The following DERA variants were observed in gnomAD, a reference collection of about 807,000 sequenced individuals.
DERA encodes the protein 2-deoxy-D-ribose 5-phosphate aldolase.
In DERA, 15 loss-of-function variants were observed where a neutral mutation model predicts 41.1. That is an observed-to-expected ratio of 0.37 (90% CI 0.24 to 0.56). The LOEUF (loss-of-function observed/expected upper bound fraction) is 0.56. DERA is among the 20% of genes least tolerant of loss of function. The pLI is 0.81. For synonymous variants in DERA, 139 were observed against 137.4 expected (o/e 1.01, Z -0.08); for missense variants, 396 against 403.4 (o/e 0.98, Z 0.16).
intron 6 of DERA, among the ~76,000 whole-genome samples, chr12:15,986,894 C>T (rs750943893): frequency 1.3e-5 from 2 of 151,998 alleles, no homozygotes; most frequent in South Asian, 4.1e-4. Context: ...TGGTTTTATT[C>T]GTCTGAAAAT....
rs142585995 is a variant in DERA, at chr12:15,935,184, A to C, written c.32-21752A>C. On this transcript the variant is annotated intron_variant, in intron 1 of 8. Coordinates refer to ENST00000428559, the MANE Select transcript of DERA (RefSeq NM_015954.4). This position sits in a 1 kb window ranked among gnomAD's most constrained non-coding sequence, Gnocchi z 4.8. ...TGGACATCCATTGCTATGATATTTT[A>C]AAGTTTCACTGTAATTTTTTGGCTG... 3.9e-5 allele frequency among the ~76,000 whole-genome samples: 6 copies of C among 152,346 alleles called. No homozygotes were observed. In the East Asian group the frequency reaches 1.2e-3, roughly 29 times the overall value.
At position 16,036,659 on chromosome 12, in the gene DERA, ATTG is replaced by A. The variant is rs772134034; in HGVS notation, c.901-28_901-26del. ...AACTGATGTGTATAATTATAGAATG[ATTG>A]TTAATTAAACTCTGCTTTTCCTCAC... is the stretch of plus-strand genomic sequence containing the variant. On this transcript the variant is annotated intron_variant, in intron 8 of 8. Coordinates refer to ENST00000428559, the MANE Select transcript of DERA (RefSeq NM_015954.4). The surrounding 1 kb of genome is among the most constrained non-coding windows in gnomAD (Gnocchi z 4.9). The A allele has an allele frequency of 1.3e-6, 2 of 1,496,836 alleles. No homozygotes were observed. The highest frequency in any genetic ancestry group is 9.2e-7 in the Non-Finnish European group (1 of 1,082,690). 92.7% of individuals were successfully genotyped at this position (1,496,836 alleles called of 1,614,324 possible).
In DERA at chr12:15,984,588, AG is replaced by A. The variant is rs2136163836; in HGVS notation, c.637+2154del. 6.6e-6 allele frequency among the ~76,000 whole-genome samples: 1 copy of A among 152,280 alleles called. No homozygotes were observed. The highest frequency in any genetic ancestry group is 2.1e-4 in the South Asian group (1 of 4,822). ...AATCTAGGATTGTGTGACTTGTTTA[AG>A]GTCACAAAGCTAATAAATAACCTGT... On this transcript the variant is annotated intron_variant, in intron 6 of 8. Coordinates refer to ENST00000428559, the MANE Select transcript of DERA (RefSeq NM_015954.4). The surrounding 1 kb of genome is among the most constrained non-coding windows in gnomAD (Gnocchi z 4.5).
Position 15,989,816 on chromosome 12 carries a change from T to C in DERA, c.637+7380T>C, listed in dbSNP as rs945225932. Reference sequence around the variant, plus strand: ...AACTATGTTAGTCTGGTCTTACACATCATTGTAAGTAAAATTGTGTTAAAC... The same window carrying C: ...AACTATGTTAGTCTGGTCTTACACACCATTGTAAGTAAAATTGTGTTAAAC... On this transcript the variant is annotated intron_variant, in intron 6 of 8. Coordinates refer to ENST00000428559, the MANE Select transcript of DERA (RefSeq NM_015954.4). The surrounding 1 kb of genome is among the most constrained non-coding windows in gnomAD (Gnocchi z 5.2). Among the ~76,000 whole-genome samples the C allele has an allele frequency of 6.6e-6, 1 of 152,224 alleles. No individual in the cohort carries two copies. Among genetic ancestry groups the C allele is most frequent in the Admixed American group, 6.5e-5 (1 of 15,286 alleles).
intron 6 of DERA, among the ~76,000 whole-genome samples, chr12:15,986,460 G>A (rs1948764901): frequency 6.6e-6 from 1 of 152,008 alleles, no homozygotes; most frequent in Non-Finnish European, 1.5e-5. Context: ...TGTATCTTCT[G>A]TTGGCTTTTT....
At chr12:16,002,015 G>C (rs759688741) in intron 6 of DERA, among the ~76,000 whole-genome samples, 2 of 151,806 alleles carry the variant, frequency 1.3e-5, no homozygotes, top group Non-Finnish European at 2.9e-5. Flanking sequence ...TTAAGTTTTA[G>C]GGTACATGTG....
intron 1 of DERA, among the ~76,000 whole-genome samples, chr12:15,917,171 G>C (rs982782353): frequency 1.3e-5 from 2 of 152,022 alleles, no homozygotes; most frequent in African/African-American, 4.8e-5. Context: ...TTTAAATTTT[G>C]CCTTTAAGTT....
At position 16,010,758 on chromosome 12, in the gene DERA, T is replaced by C. The variant is rs2136179022; in HGVS notation, c.638-21784T>C. On this transcript the variant is annotated intron_variant, in intron 6 of 8. Coordinates refer to ENST00000428559, the MANE Select transcript of DERA (RefSeq NM_015954.4). This position sits in a 1 kb window ranked among gnomAD's most constrained non-coding sequence, Gnocchi z 5.5. ...GTTTGAAAGTTCACCTGTCTATGGA[T>C]CTGCTAATGGGAAGCACATACGTCT... 6.6e-6 allele frequency among the ~76,000 whole-genome samples: 1 copy of C among 152,210 alleles called. No homozygotes were observed. The highest frequency in any genetic ancestry group is 2.4e-5 in the African/African-American group (1 of 41,524).
intron 1 of DERA, among the ~76,000 whole-genome samples, chr12:15,920,605 C>T (rs934246109): frequency 2.0e-5 from 3 of 151,694 alleles, no homozygotes; most frequent in Non-Finnish European, 2.9e-5. Flanking sequence ...GAGGCTGAGG[C>T]GGGCGGATCA....
rs7294843 is a variant in DERA at position 15,936,942 on chromosome 12, T to C, written c.32-19994T>C. Reference sequence around the variant, plus strand: ...TGTCCTGTCCTGTCCTGTCTTGTCCTGTCCCGTCCTGTCCTGCCCTGCCCT... The same window carrying C: ...TGTCCTGTCCTGTCCTGTCTTGTCCCGTCCCGTCCTGTCCTGCCCTGCCCT... On this transcript the variant is annotated intron_variant, in intron 1 of 8. Transcript: ENST00000428559. This position sits in a 1 kb window ranked among gnomAD's most constrained non-coding sequence, Gnocchi z 4.6. Among the ~76,000 whole-genome samples, 38,115 of 148,622 alleles carry C rather than the reference T, an allele frequency of 0.26. 5,318 individuals carry two copies. Among genetic ancestry groups the C allele is most frequent in the Admixed American group, 0.35 (5,182 of 14,972 alleles).
chr12:15,930,469 A>G (rs986538925), intron 1 of DERA, among the ~76,000 whole-genome samples: 108 of 152,208 alleles, frequency 7.1e-4, no homozygotes, highest in Non-Finnish European at 1.3e-3. Context: ...AAATTAATCA[A>G]TAGCCAAATA....
At position 16,000,394 on chromosome 12, in the gene DERA, T is replaced by A. The variant is rs1363171093; in HGVS notation, c.637+17958T>A. Among the ~76,000 whole-genome samples the A allele has an allele frequency of 1.3e-5, 2 of 152,258 alleles. No homozygotes were observed. The highest frequency in any genetic ancestry group is 6.5e-5 in the Admixed American group (1 of 15,282). On this transcript the variant is annotated intron_variant, in intron 6 of 8. Transcript: ENST00000428559. This position sits in a 1 kb window ranked among gnomAD's most constrained non-coding sequence, Gnocchi z 4.8. Reference sequence around the variant, plus strand: ...GGCTATTTTTTGGTTTAGAAAACATTAGCAAGATAACACATGTAAATCAAA... The same window carrying A: ...GGCTATTTTTTGGTTTAGAAAACATAAGCAAGATAACACATGTAAATCAAA...
At chr12:15,932,984 TG>T (rs1201598905) in intron 1 of DERA, among the ~76,000 whole-genome samples, 1 of 152,250 alleles carries the variant, frequency 6.6e-6, no homozygotes, top group Non-Finnish European at 1.5e-5. Flanking sequence ...TCTGTATTGT[TG>T]TAAGTGACAG....
intron 5 of DERA, among the ~76,000 whole-genome samples, chr12:15,975,778 T>C (rs1316729203): frequency 6.6e-6 from 1 of 152,264 alleles, no homozygotes; most frequent in Non-Finnish European, 1.5e-5. Context: ...CTATCCTTTT[T>C]ATGTTCCCAT....
intron 6 of DERA, among the ~76,000 whole-genome samples, chr12:15,987,900 G>A (rs551721886): frequency 6.6e-6 from 1 of 152,270 alleles, no homozygotes; most frequent in Admixed American, 6.5e-5. Flanking sequence ...GCGCGGAGTG[G>A]CAAGGGATGT....
In DERA at chr12:15,967,278, C is replaced by T. The variant is rs879925993; in HGVS notation, c.508+4331C>T. Among the ~76,000 whole-genome samples, 1 of 151,766 alleles carries T rather than the reference C, an allele frequency of 6.6e-6. No individual in the cohort carries two copies. Among genetic ancestry groups the T allele is most frequent in the Non-Finnish European group, 1.5e-5 (1 of 67,978 alleles). On this transcript the variant is annotated intron_variant, in intron 5 of 8. Coordinates refer to ENST00000428559, the MANE Select transcript of DERA (RefSeq NM_015954.4). This position sits in a 1 kb window ranked among gnomAD's most constrained non-coding sequence, Gnocchi z 4.9. Reference sequence around the variant, plus strand: ...AGGTTGGGCCTGAGATGGGAGGATTCCTTGAATGTGGGAGGATTCCTTGAG... The same window carrying T: ...AGGTTGGGCCTGAGATGGGAGGATTTCTTGAATGTGGGAGGATTCCTTGAG...
intron 6 of DERA, among the ~76,000 whole-genome samples, chr12:16,022,593 G>A (rs962684370): frequency 2.6e-5 from 4 of 152,182 alleles, no homozygotes; most frequent in African/African-American, 9.7e-5. Context: ...GAGCTTGGAA[G>A]TTGTCACTCC....
chr12:15,993,495 T>TAAA lies in DERA; in HGVS notation c.637+11065_637+11067dup, dbSNP rs796777302. On this transcript the variant is annotated intron_variant, in intron 6 of 8. Coordinates refer to ENST00000428559, the MANE Select transcript of DERA (RefSeq NM_015954.4). The surrounding 1 kb of genome is among the most constrained non-coding windows in gnomAD (Gnocchi z 4.4). Reference sequence around the variant, plus strand: ...GTGTTGTGGCCTTTTTTTTTTTTTTTAAAAAAAATAAGATCTTGCCTTTCA... The same window carrying TAAA: ...GTGTTGTGGCCTTTTTTTTTTTTTTTAAAAAAAAAAATAAGATCTTGCCTTTCA... Among the ~76,000 whole-genome samples, 41 of 149,398 alleles carry TAAA rather than the reference T, an allele frequency of 2.7e-4. 1 individual carries two copies. Among genetic ancestry groups the TAAA allele is most frequent in the African/African-American group, 8.9e-4 (36 of 40,538 alleles).
intron 1 of DERA, among the ~76,000 whole-genome samples, chr12:15,927,203 T>A (rs1413535317): frequency 1.3e-5 from 2 of 152,220 alleles, no homozygotes; most frequent in Non-Finnish European, 2.9e-5. Flanking sequence ...ATTTACTGAT[T>A]ACTTAGAACA....
Sources: allele counts gnomAD v4.1 joint callset (sites outside exome capture counted in the v4.1 genomes callset), GRCh38; gene constraint gnomAD v4.1.1; non-coding constraint Gnocchi (gnomAD v3.1); transcripts MANE v1.5; gene names NCBI Gene and HGNC (gene_info 2026-07-23, HGNC 2026-07-21).